The following IL1RAPL1 variants were observed in gnomAD, a reference collection of about 807,000 sequenced individuals.
The protein encoded by IL1RAPL1 is interleukin 1 receptor accessory protein like 1, also known as interleukin-1 receptor accessory protein-like 1.
In IL1RAPL1, 3 loss-of-function variants were observed where a neutral mutation model predicts 48.4. The observed-to-expected ratio is 0.06, with a 90% CI of 0.03 to 0.16. The LOEUF (loss-of-function observed/expected upper bound fraction) is 0.16. Ranked by LOEUF, IL1RAPL1 falls within the 10% of genes least tolerant of loss-of-function variation. The pLI, the probability that IL1RAPL1 is intolerant of heterozygous loss-of-function variation, is 1.00. For synonymous variants in IL1RAPL1, 185 were observed against 187.7 expected (o/e 0.99, Z 0.12); for missense variants, 349 against 530.6 (o/e 0.66, Z 3.36).
At chrX:29,395,494 G>A (rs1305580339) in intron 3 of IL1RAPL1, among the ~76,000 whole-genome samples, 1 of 111,367 alleles carries the variant, frequency 9.0e-6, no homozygotes, top group African/African-American at 3.3e-5. Flanking sequence ...AGGATTTATA[G>A]CCTCACTTAT....
At chrX:28,723,975 C>A (rs1344261659) in intron 1 of IL1RAPL1, among the ~76,000 whole-genome samples, 1 of 111,655 alleles carries the variant, frequency 9.0e-6, no homozygotes, top group Non-Finnish European at 1.9e-5. Flanking sequence ...GTTATAATTT[C>A]TGTTCTTTTA....
chrX:28,950,416 G>C (rs1351404026), intron 2 of IL1RAPL1, among the ~76,000 whole-genome samples: 1 of 85,288 alleles, frequency 1.2e-5, no homozygotes, highest in African/African-American at 4.5e-5. Context: ...TTGACTTGGC[G>C]ATGCGGGCTC....
In IL1RAPL1 at chrX:28,692,924, A is replaced by G. The variant is rs760928482; in HGVS notation, c.-24-96396A>G. 4.1e-3 allele frequency among the ~76,000 whole-genome samples: 453 copies of G among 111,826 alleles called. 2 individuals carry two copies. The highest frequency in any genetic ancestry group is 0.014 in the African/African-American group (420 of 30,805). The stretch of plus-strand genomic sequence containing the variant: ...ATACTTGTATACCTTTATGGAGTAC[A>G]GTGTGATATTGTCATGTAGGTATAC... On this transcript the variant is annotated intron_variant, in intron 1 of 10. Coordinates refer to ENST00000378993, the MANE Select transcript of IL1RAPL1 (RefSeq NM_014271.4).
At chrX:28,744,861 A>G (rs1456847675) in intron 1 of IL1RAPL1, among the ~76,000 whole-genome samples, 1 of 111,719 alleles carries the variant, frequency 9.0e-6, no homozygotes, top group Non-Finnish European at 1.9e-5. Context: ...GTGACTTCTT[A>G]CCTGAGACCT....
chrX:29,087,815 T>G (rs7892653), intron 2 of IL1RAPL1, among the ~76,000 whole-genome samples: 34,954 of 111,256 alleles, frequency 0.31, 5,295 homozygotes, highest in African/African-American at 0.6. Flanking sequence ...AAGGCAGGTG[T>G]GCTTGAGCCC....
intron 6 of IL1RAPL1, among the ~76,000 whole-genome samples, chrX:29,819,094 T>A (rs755423808): frequency 8.9e-6 from 1 of 112,093 alleles, no homozygotes; most frequent in South Asian, 3.7e-4. Flanking sequence ...CGGTGTGTTA[T>A]ACCTTATGTA....
chrX:29,291,275 C>T (rs1453610598), intron 3 of IL1RAPL1, among the ~76,000 whole-genome samples: 1 of 111,495 alleles, frequency 9.0e-6, no homozygotes, highest in African/African-American at 3.3e-5. Flanking sequence ...ACCAAATATC[C>T]CCATTTGAAA....
chrX:29,482,944 T>C (rs1935056868), intron 5 of IL1RAPL1, among the ~76,000 whole-genome samples: 1 of 112,128 alleles, frequency 8.9e-6, no homozygotes, highest in Admixed American at 9.5e-5. Context: ...GTATTTGTGT[T>C]TACGTTAGAA....
intron 2 of IL1RAPL1, among the ~76,000 whole-genome samples, chrX:29,209,082 A>G (rs1023012906): frequency 2.7e-4 from 30 of 112,230 alleles, no homozygotes; most frequent in Non-Finnish European, 1.9e-5. Context: ...TGTTGATAGC[A>G]CTGCCTAAAA....
intron 2 of IL1RAPL1, among the ~76,000 whole-genome samples, chrX:28,810,406 G>A (rs769727196): frequency 4.5e-5 from 5 of 110,759 alleles, no homozygotes; most frequent in South Asian, 7.5e-4. Context: ...TCAATAATAC[G>A]TAATTAAATG....
chrX:29,549,661 A>G (rs5971571), intron 5 of IL1RAPL1, among the ~76,000 whole-genome samples: 6,320 of 111,647 alleles, frequency 0.057, 213 homozygotes, highest in African/African-American at 0.11. Flanking sequence ...GAAAAGTTTT[A>G]ACAAAAGGAG....
At position 28,642,090 on chromosome X, in the gene IL1RAPL1, T is replaced by A. The variant is rs187538145; in HGVS notation, c.-25+54043T>A. On this transcript the variant is annotated intron_variant, in intron 1 of 10. Coordinates refer to ENST00000378993, the MANE Select transcript of IL1RAPL1 (RefSeq NM_014271.4). ...AGGGCATTACATAATGGTAAAGAGA[T>A]CAATGCAACAAGAAGAGCTAATTAT... Among the ~76,000 whole-genome samples, 77 of 111,094 alleles carry A rather than the reference T, an allele frequency of 6.9e-4. 1 individual carries two copies. Among genetic ancestry groups the A allele is most frequent in the African/African-American group, 2.3e-3 (69 of 30,531 alleles).
At chrX:29,017,209 G>A (rs1003861360) in intron 2 of IL1RAPL1, among the ~76,000 whole-genome samples, 2 of 112,211 alleles carry the variant, frequency 1.8e-5, no homozygotes, top group Non-Finnish European at 3.8e-5. Context: ...AAGCATGGAA[G>A]GAACATTCTG....
intron 5 of IL1RAPL1, among the ~76,000 whole-genome samples, chrX:29,619,156 T>G (rs1051526298): frequency 1.8e-5 from 2 of 111,891 alleles, no homozygotes; most frequent in African/African-American, 6.5e-5. Flanking sequence ...AAGAAATCTA[T>G]TCCCCTTCGA....
chrX:28,650,178 G>A (rs1305855256), intron 1 of IL1RAPL1, among the ~76,000 whole-genome samples: 1 of 111,726 alleles, frequency 9.0e-6, no homozygotes, highest in Non-Finnish European at 1.9e-5. Flanking sequence ...GATTCTTCAG[G>A]AAGAAACTGA....
chrX:29,716,227 C>A (rs188582032), intron 6 of IL1RAPL1, among the ~76,000 whole-genome samples: 1 of 111,126 alleles, frequency 9.0e-6, no homozygotes, highest in Non-Finnish European at 1.9e-5. Flanking sequence ...GGAAAGAGAT[C>A]GATCACTAGA....
intron 1 of IL1RAPL1, among the ~76,000 whole-genome samples, chrX:28,769,581 C>T (rs760867591): frequency 8.9e-6 from 1 of 112,063 alleles, no homozygotes; most frequent in South Asian, 3.7e-4. Flanking sequence ...GGTAATTTTA[C>T]TCTCATCTAC....
At chrX:29,565,690 A>G (rs753668081) in intron 5 of IL1RAPL1, among the ~76,000 whole-genome samples, 12 of 111,986 alleles carry the variant, frequency 1.1e-4, no homozygotes, top group Non-Finnish European at 2.1e-4. Context: ...AAATCTAAAA[A>G]CTAATCACCC....
intron 2 of IL1RAPL1, among the ~76,000 whole-genome samples, chrX:28,952,767 T>A (rs1300384992): frequency 9.0e-6 from 1 of 111,469 alleles, no homozygotes; most frequent in African/African-American, 3.2e-5. Flanking sequence ...TAGAATAAAG[T>A]ACATTTGGTG....
Sources: allele counts gnomAD v4.1 joint callset (sites outside exome capture counted in the v4.1 genomes callset), GRCh38; gene constraint gnomAD v4.1.1; transcripts MANE v1.5; gene names NCBI Gene and HGNC (gene_info 2026-07-23, HGNC 2026-07-21).